The following PDILT variants were observed in gnomAD, a reference collection of about 807,000 sequenced individuals.
The protein encoded by PDILT is protein disulfide-isomerase-like protein of the testis.
PDILT carries 43 observed loss-of-function variants against 53.7 expected under a neutral mutation model. That is an observed-to-expected ratio of 0.80 (90% CI 0.63 to 1.03). The LOEUF is 1.03. Among genes scored for constraint, PDILT ranks in the 50% least tolerant of loss-of-function variants. The pLI, the probability that PDILT is intolerant of heterozygous loss-of-function variation, is 0.00. For synonymous variants in PDILT, 282 were observed against 274.2 expected (o/e 1.03, Z -0.28); for missense variants, 727 against 712.3 (o/e 1.02, Z -0.24).
chr16:20,402,803 G>C (rs886281956), intron 1 of PDILT, among the ~76,000 whole-genome samples: 1 of 152,186 alleles, frequency 6.6e-6, no homozygotes, highest in African/African-American at 2.4e-5. Context: ...CCCTGAGACT[G>C]TAGCATCCAC....
At chr16:20,371,400 A>T (rs991106351) in intron 7 of PDILT, among the ~76,000 whole-genome samples, 2 of 152,230 alleles carry the variant, frequency 1.3e-5, no homozygotes, top group Non-Finnish European at 2.9e-5. Context: ...TCATTCATTC[A>T]TCAGAAGATT....
intron 2 of PDILT, chr16:20,390,745 A>C (rs2141616441): frequency 6.6e-6 from 1 of 152,348 alleles, no homozygotes. Flanking sequence ...GCACAGTGCA[A>C]GAAGATGAAT....
Position 20,376,068 on chromosome 16 carries a change from C to T in PDILT, c.543G>A (p.Gln181=). 6.2e-7 allele frequency: 1 copy of T among 1,614,038 alleles called. No homozygotes were observed. Among genetic ancestry groups the T allele is most frequent in the Non-Finnish European group, 8.5e-7 (1 of 1,179,978 alleles). ...SRPLVIVGFF[Q]DLEEEVAELF... is the part of the protein sequence containing the mutation. ...TCCTCCCACCTCTTGGTCCCAGTAC[C>T]TGGAAGAAGCCAACGATGACCAAGG... Residue 181 remains glutamine, a splice_region_variant and synonymous_variant, in exon 4 of 12, where the codon CAG becomes CAA. Transcript: ENST00000302451.
intron 3 of PDILT, among the ~76,000 whole-genome samples, chr16:20,381,305 C>T (rs1966457977): frequency 6.6e-6 from 1 of 152,124 alleles, no homozygotes; most frequent in African/African-American, 2.4e-5. Flanking sequence ...GGAGCCCTGG[C>T]AAGTAGGCAG....
chr16:20,400,022 C>T (rs541724474), intron 1 of PDILT, among the ~76,000 whole-genome samples: 1 of 112,840 alleles, frequency 8.9e-6, no homozygotes, highest in Admixed American at 9.7e-5. Context: ...CTCTATCTAT[C>T]TATCTATCTA....
chr16:20,371,415 G>T (rs1966304575), intron 7 of PDILT, among the ~76,000 whole-genome samples: 1 of 152,162 alleles, frequency 6.6e-6, no homozygotes, highest in Non-Finnish European at 1.5e-5. Context: ...AAGATTAAAG[G>T]CCTCACTGTG....
At chr16:20,375,968 A>T (rs927438670) in intron 4 of PDILT, 100 bp downstream of exon 4, 59 of 1,449,232 alleles carry the variant, frequency 4.1e-5, no homozygotes, top group Non-Finnish European at 5.4e-5. Context: ...GATGGAGAAA[A>T]TTGGGCAATC....
At position 20,371,976 on chromosome 16, in the gene PDILT, A is replaced by C. The variant is rs1366162545; in HGVS notation, c.918+826T>G. 2.6e-5 allele frequency among the ~76,000 whole-genome samples: 4 copies of C among 152,254 alleles called. No individual in the cohort carries two copies. The East Asian group carries it at 5.8e-4, about 22-fold the overall frequency. On this transcript the variant is annotated intron_variant, in intron 7 of 11. Coordinates refer to ENST00000302451, the MANE Select transcript of PDILT (RefSeq NM_174924.2). ...GTGGCTTTCTTTATTTTAGGTTACA[A>C]AGTTCTCAATTGTTTTATTTAATTT...
chr16:20,396,757 C>T (rs573666543), intron 2 of PDILT, among the ~76,000 whole-genome samples: 2 of 152,326 alleles, frequency 1.3e-5, no homozygotes, highest in East Asian at 1.9e-4. Flanking sequence ...AAGGGTTTCT[C>T]ATGCCTTGTG....
chr16:20,363,917 G>C (rs777550864), intron 9 of PDILT, among the ~76,000 whole-genome samples: 7 of 152,104 alleles, frequency 4.6e-5, no homozygotes, highest in Non-Finnish European at 8.8e-5. Flanking sequence ...AATCTTTCCT[G>C]CTTTCCTTCT....
intron 2 of PDILT, among the ~76,000 whole-genome samples, chr16:20,393,223 G>A (rs376790637): frequency 4.6e-5 from 7 of 152,324 alleles, no homozygotes; most frequent in Admixed American, 2.0e-4. Flanking sequence ...GTGGATGAGG[G>A]ATGTGCAGAA....
chr16:20,362,106 C>T (rs1010493000), intron 10 of PDILT, among the ~76,000 whole-genome samples: 3 of 152,200 alleles, frequency 2.0e-5, no homozygotes, highest in South Asian at 2.1e-4. Context: ...CAGAGCTCAG[C>T]CCCAATGCTA....
intron 2 of PDILT, chr16:20,385,909 A>C (rs1966529259): frequency 6.6e-6 from 1 of 152,252 alleles, no homozygotes; most frequent in South Asian, 2.1e-4. Context: ...ACAGAGAGGA[A>C]GCATGAGAGC....
intron 3 of PDILT, among the ~76,000 whole-genome samples, chr16:20,382,602 A>G (rs1966475877): frequency 6.6e-6 from 1 of 152,146 alleles, no homozygotes; most frequent in Admixed American, 6.5e-5. Flanking sequence ...CCATCTGTAA[A>G]AGCACCTCTT....
intron 3 of PDILT, among the ~76,000 whole-genome samples, chr16:20,383,086 G>A (rs937616339): frequency 7.2e-5 from 11 of 152,176 alleles, no homozygotes; most frequent in African/African-American, 2.4e-4. Context: ...TATGGCAGAC[G>A]AGGTCCCAGG....
chr16:20,400,042 CTATCTATCTATCTATATATATATA>C (rs1567333457), intron 1 of PDILT, among the ~76,000 whole-genome samples: 2 of 121,028 alleles, frequency 1.7e-5, no homozygotes, highest in African/African-American at 7.5e-5. Context: ...ATCTATCTAT[CTATCTATCTATCTATATATATATA>C]TATATATTTT....
At chr16:20,390,358 C>T (rs1019065536) in intron 2 of PDILT, among the ~76,000 whole-genome samples, 7 of 152,138 alleles carry the variant, frequency 4.6e-5, no homozygotes, top group African/African-American at 1.2e-4. Context: ...CTCCCTCACC[C>T]CAGGGTATTT....
chr16:20,392,327 C>T (rs978423930), intron 2 of PDILT, among the ~76,000 whole-genome samples: 3 of 152,084 alleles, frequency 2.0e-5, no homozygotes, highest in Non-Finnish European at 4.4e-5. Context: ...CTGTCGTGGA[C>T]ATGTGGCAAT....
intron 10 of PDILT, among the ~76,000 whole-genome samples, chr16:20,362,120 G>A (rs185307570): frequency 6.6e-6 from 1 of 152,342 alleles, no homozygotes; most frequent in East Asian, 1.9e-4. Flanking sequence ...AATGCTAGCA[G>A]GAACCATATA....
Sources: gnomAD v4.1 joint callset for allele counts (sites outside exome capture counted in the v4.1 genomes callset) on GRCh38, gnomAD v4.1.1 for gene constraint, MANE v1.5 for transcripts, NCBI Gene and HGNC (gene_info 2026-07-23, HGNC 2026-07-21) for gene names.